ITGB3BP: variants seen among roughly 807,000 people sequenced by gnomAD.
The protein encoded by ITGB3BP is centromere protein R.
In ITGB3BP, 27 loss-of-function variants were observed where a neutral mutation model predicts 29.1. The ratio of observed to expected loss-of-function variants is 0.93; its 90% CI spans 0.68 to 1.28. ITGB3BP has a LOEUF of 1.28. Among genes scored for constraint, ITGB3BP ranks in the 50% most tolerant of loss-of-function variants. The probability of loss-of-function intolerance (pLI) is 0.00; values close to 1 mark genes in which losing one functional copy is unlikely to be tolerated. For synonymous variants in ITGB3BP, 61 were observed against 61.4 expected, an observed-to-expected ratio of 0.99 and a Z score of 0.03; for missense variants, 192 against 200.2, an observed-to-expected ratio of 0.96 and a Z score of 0.25.
intron 7 of ITGB3BP, chr1:63,451,585 G>A (rs1644860601): frequency 6.6e-6 from 1 of 151,872 alleles, no homozygotes; most frequent in Admixed American, 6.6e-5. Flanking sequence ...ATTTGCATGT[G>A]TGTGCACATT....
At chr1:63,452,967 T>A (rs1644882523) in intron 7 of ITGB3BP, among the ~76,000 whole-genome samples, 1 of 152,208 alleles carries the variant, frequency 6.6e-6, no homozygotes, top group African/African-American at 2.4e-5. Context: ...AAAGCTAAGA[T>A]GATTGGATGA....
chr1:63,481,576 G>T (rs1645438320), intron 3 of ITGB3BP, among the ~76,000 whole-genome samples: 1 of 152,112 alleles, frequency 6.6e-6, no homozygotes, highest in African/African-American at 2.4e-5. Flanking sequence ...CTCTTCAAGT[G>T]CAGTTTCACA....
At chr1:63,482,774 C>G (rs756619002) in intron 3 of ITGB3BP, among the ~76,000 whole-genome samples, 1 of 152,040 alleles carries the variant, frequency 6.6e-6, no homozygotes, top group Non-Finnish European at 1.5e-5. Context: ...TTGCCTCAGC[C>G]TTCCGAGTAG....
chr1:63,525,510 G>A (rs1362705901), upstream of ITGB3BP: 1 of 1,286,416 alleles, frequency 7.8e-7, no homozygotes, highest in African/African-American at 1.5e-5. Flanking sequence ...TGAAAGACAT[G>A]GTGACATTTG....
At chr1:63,526,555 G>A (rs1336310762), upstream of ITGB3BP, among the ~76,000 whole-genome samples, 1 of 152,088 alleles carries the variant, frequency 6.6e-6, no homozygotes, top group Non-Finnish European at 1.5e-5. Flanking sequence ...GTATTTTGAG[G>A]AATACAAGAA....
At position 63,453,756 on chromosome 1, in the gene ITGB3BP, G is replaced by C. The variant is rs192854304; in HGVS notation, c.484+162C>G. 1,342 of 539,234 alleles carry C rather than the reference G, an allele frequency of 2.5e-3. 17 individuals are homozygous for C. Among genetic ancestry groups the C allele is most frequent in the South Asian group, 0.015 (568 of 38,460 alleles). 33.4% of individuals were successfully genotyped at this position (539,234 alleles called of 1,614,324 possible). Reference sequence around the variant, plus strand: ...CATCTTCTGCTAAATGCAATATAAAGCTTTTCAAATGAGATTTGTGATCTT... The same window carrying C: ...CATCTTCTGCTAAATGCAATATAAACCTTTTCAAATGAGATTTGTGATCTT... On this transcript the variant is annotated intron_variant, in intron 7 of 8. Transcript: ENST00000271002.
intron 1 of ITGB3BP, among the ~76,000 whole-genome samples, chr1:63,514,105 A>G (rs1311324011): frequency 6.6e-6 from 1 of 152,186 alleles, no homozygotes; most frequent in Non-Finnish European, 1.5e-5. Context: ...ACTTTTGCCT[A>G]TTCTAGAATT....
At chr1:63,487,380 A>G (rs1221264072) in intron 3 of ITGB3BP, among the ~76,000 whole-genome samples, 1 of 152,102 alleles carries the variant, frequency 6.6e-6, no homozygotes, top group Admixed American at 6.6e-5. Context: ...AAAATAATGT[A>G]CATACAAATT....
At chr1:63,455,739 C>T (rs1644925497) in intron 4 of ITGB3BP, among the ~76,000 whole-genome samples, 2 of 152,136 alleles carry the variant, frequency 1.3e-5, no homozygotes, top group Admixed American at 1.3e-4. Context: ...ATTTTAGTTG[C>T]TTTTCCAATT....
intron 1 of ITGB3BP, among the ~76,000 whole-genome samples, chr1:63,518,876 C>A (rs568458570): frequency 1.3e-5 from 2 of 152,076 alleles, no homozygotes; most frequent in African/African-American, 4.8e-5. Flanking sequence ...TGCCTCTCTG[C>A]ATTTTCAGAG....
intron 3 of ITGB3BP, among the ~76,000 whole-genome samples, chr1:63,485,570 T>C (rs1293700694): frequency 2.0e-5 from 3 of 152,148 alleles, no homozygotes; most frequent in Non-Finnish European, 4.4e-5. Context: ...ATTCACTTTT[T>C]CATCATTGCT....
At chr1:63,483,872 C>T (rs1318224647) in intron 3 of ITGB3BP, among the ~76,000 whole-genome samples, 1 of 152,072 alleles carries the variant, frequency 6.6e-6, no homozygotes, top group Non-Finnish European at 1.5e-5. Context: ...AGCCTAGGAA[C>T]AAAAGGCTAT....
intron 2 of ITGB3BP, among the ~76,000 whole-genome samples, chr1:63,505,729 G>C (rs544496146): frequency 6.6e-6 from 1 of 152,078 alleles, no homozygotes; most frequent in Non-Finnish European, 1.5e-5. Flanking sequence ...GTTCTCGTTG[G>C]TTTCAAAGAA....
intron 2 of ITGB3BP, among the ~76,000 whole-genome samples, chr1:63,504,611 C>T (rs1214217379): frequency 1.3e-5 from 2 of 152,162 alleles, no homozygotes; most frequent in African/African-American, 2.4e-5. Context: ...GGAATGTTCA[C>T]AGTTTTTGCC....
At chr1:63,444,578 G>GATATATATATCTCCTATTACA (rs1557603915) in intron 8 of ITGB3BP, among the ~76,000 whole-genome samples, 3 of 142,022 alleles carry the variant, frequency 2.1e-5, no homozygotes, top group African/African-American at 8.0e-5. Context: ...TACATAATAG[G>GATATATATATCTCCTATTACA]ATATATATAT....
chr1:63,521,780 T>A (rs1646454132), intron 1 of ITGB3BP, among the ~76,000 whole-genome samples: 1 of 151,934 alleles, frequency 6.6e-6, no homozygotes, highest in South Asian at 2.1e-4. Flanking sequence ...AGACTCTGCC[T>A]CAAAAAAAGA....
At chr1:63,443,357 C>T (rs529126524) in intron 8 of ITGB3BP, among the ~76,000 whole-genome samples, 49 of 152,016 alleles carry the variant, frequency 3.2e-4, no homozygotes, top group African/African-American at 1.1e-3. Context: ...TTTTGAAAGA[C>T]GGGTAAAATT....
intron 8 of ITGB3BP, among the ~76,000 whole-genome samples, chr1:63,444,029 G>A (rs1286508605): frequency 6.6e-6 from 1 of 152,134 alleles, no homozygotes; most frequent in African/African-American, 2.4e-5. Flanking sequence ...CATGGTGAAA[G>A]GCAGAACTGA....
intron 3 of ITGB3BP, among the ~76,000 whole-genome samples, chr1:63,482,184 A>C (rs1366995688): frequency 6.8e-6 from 1 of 146,370 alleles, no homozygotes; most frequent in Admixed American, 7.3e-5. Context: ...GAGACAGGAG[A>C]ATCACTTGAA....
Sources: gnomAD v4.1 joint callset for allele counts (sites outside exome capture counted in the v4.1 genomes callset) on GRCh38, gnomAD v4.1.1 for gene constraint, MANE v1.5 for transcripts, NCBI Gene and HGNC (gene_info 2026-07-23, HGNC 2026-07-21) for gene names.